The following VPS53 variants were observed in gnomAD, a reference collection of about 807,000 sequenced individuals.
VPS53 encodes the protein vacuolar protein sorting-associated protein 53 homolog.
In VPS53, 70 loss-of-function variants were observed where a neutral mutation model predicts 107.0. The ratio of observed to expected loss-of-function variants is 0.65; its 90% CI spans 0.54 to 0.80. The LOEUF (loss-of-function observed/expected upper bound fraction) is 0.80. Ranked by LOEUF, VPS53 falls within the 30% of genes least tolerant of loss-of-function variation. The probability of loss-of-function intolerance (pLI) is 0.00; values close to 1 mark genes in which losing one functional copy is unlikely to be tolerated. For synonymous variants in VPS53, 409 were observed against 393.3 expected (o/e 1.04, Z -0.47); for missense variants, 917 against 1,049.4 (o/e 0.87, Z 1.74).
intron 12 of VPS53, among the ~76,000 whole-genome samples, chr17:599,708 GC>G (rs1331061906): frequency 6.7e-6 from 1 of 149,284 alleles, no homozygotes; most frequent in Non-Finnish European, 1.5e-5. Flanking sequence ...CTATGACCCT[GC>G]CAAATCCCCC....
At chr17:622,190 G>A (rs1969496287) in intron 11 of VPS53, among the ~76,000 whole-genome samples, 1 of 151,832 alleles carries the variant, frequency 6.6e-6, no homozygotes, top group Non-Finnish European at 1.5e-5. Context: ...CCAGCCTGCT[G>A]ACAGAGCAAG....
chr17:584,574 T>C (rs1454234885), intron 13 of VPS53, among the ~76,000 whole-genome samples: 1 of 152,254 alleles, frequency 6.6e-6, no homozygotes, highest in African/African-American at 2.4e-5. Flanking sequence ...GTCACCAAGC[T>C]GGGTGGCATA....
intron 1 of VPS53, among the ~76,000 whole-genome samples, chr17:711,327 G>C (rs1249339491): frequency 6.6e-6 from 1 of 152,232 alleles, no homozygotes; most frequent in Admixed American, 6.5e-5. Context: ...CACCCAGCTT[G>C]ATAGAGTTAC....
At chr17:703,858 T>C (rs1973302928) in intron 2 of VPS53, among the ~76,000 whole-genome samples, 1 of 151,184 alleles carries the variant, frequency 6.6e-6, no homozygotes, top group Non-Finnish European at 1.5e-5. Flanking sequence ...TGCAGTGCAG[T>C]GGCACGATCT....
At chr17:535,919 T>C (rs554253387) in intron 18 of VPS53, among the ~76,000 whole-genome samples, 53 of 152,126 alleles carry the variant, frequency 3.5e-4, no homozygotes, top group Non-Finnish European at 5.3e-4. Flanking sequence ...AGACAGAAAC[T>C]TGGAGTCCTG....
At chr17:654,525 T>G (rs938019660) in intron 6 of VPS53, among the ~76,000 whole-genome samples, 2 of 151,846 alleles carry the variant, frequency 1.3e-5, no homozygotes, top group African/African-American at 4.8e-5. Context: ...GATCACAAGG[T>G]CAGGAGATCG....
At chr17:643,902 AG>A (rs1394065695) in intron 7 of VPS53, among the ~76,000 whole-genome samples, 1 of 152,242 alleles carries the variant, frequency 6.6e-6, no homozygotes, top group East Asian at 1.9e-4. Flanking sequence ...AGAGCTGTGC[AG>A]GCCTGTCCAT....
rs189574646 is a variant in VPS53 at position 665,602 on chromosome 17, G to C, written c.286-3707C>G. Among the ~76,000 whole-genome samples, 144 of 152,308 alleles carry C rather than the reference G, an allele frequency of 9.5e-4. 2 individuals are homozygous for C. Among genetic ancestry groups the C allele is most frequent in the African/African-American group, 3.4e-3 (141 of 41,574 alleles). ...GAAAAAGCCTGTATTGCTGTGAACAGAGTGCTAAGGGGGATTCTGCTAAGG... is the reference window on the plus strand; with the variant it reads ...GAAAAAGCCTGTATTGCTGTGAACACAGTGCTAAGGGGGATTCTGCTAAGG... On this transcript the variant is annotated intron_variant, in intron 4 of 21. Coordinates refer to ENST00000437048, the MANE Select transcript of VPS53 (RefSeq NM_001128159.3).
At chr17:532,548 TG>T in intron 19 of VPS53, 1 of 498,864 alleles carries the variant, frequency 2.0e-6, no homozygotes, top group Admixed American at 4.5e-5. Context: ...CGTGAGCCGC[TG>T]TGCCCGGCCC....
chr17:554,279 C>T (rs1239956357), intron 15 of VPS53, among the ~76,000 whole-genome samples: 1 of 152,190 alleles, frequency 6.6e-6, no homozygotes, highest in Non-Finnish European at 1.5e-5. Flanking sequence ...CAGAAACACT[C>T]AACACGCTCC....
intron 4 of VPS53, among the ~76,000 whole-genome samples, chr17:691,831 T>A (rs981262056): frequency 2.6e-5 from 4 of 152,178 alleles, no homozygotes; most frequent in African/African-American, 9.7e-5. Flanking sequence ...CTATTTTATT[T>A]TTAGTTATTG....
intron 12 of VPS53, 149 bp from the exon 13 acceptor site, chr17:586,513 C>T: frequency 1.3e-6 from 1 of 770,954 alleles, no homozygotes; most frequent in South Asian, 1.8e-5. Context: ...TCACCATTCA[C>T]CCTGGCAGGT....
chr17:623,070 T>A (rs1969540819), intron 11 of VPS53, among the ~76,000 whole-genome samples: 1 of 152,154 alleles, frequency 6.6e-6, no homozygotes, highest in Admixed American at 6.6e-5. Context: ...CAGTACTATG[T>A]TCCACCTTTC....
intron 13 of VPS53, among the ~76,000 whole-genome samples, chr17:565,769 C>A (rs529713239): frequency 6.6e-6 from 1 of 152,232 alleles, no homozygotes. Context: ...GACGTCCTGG[C>A]CAAAACGCTC....
intron 19 of VPS53, among the ~76,000 whole-genome samples, chr17:530,703 G>C (rs972683537): frequency 6.6e-6 from 1 of 152,112 alleles, no homozygotes; most frequent in African/African-American, 2.4e-5. Context: ...GCTTTCATAG[G>C]TGAACGCAGT....
chr17:565,301 G>A (rs1913384985), intron 13 of VPS53, among the ~76,000 whole-genome samples: 1 of 150,904 alleles, frequency 6.6e-6, no homozygotes, highest in Admixed American at 6.6e-5. Context: ...TACTCGGGAG[G>A]CTGAGGTAGG....
intron 5 of VPS53, among the ~76,000 whole-genome samples, chr17:660,999 G>C (rs995023985): frequency 6.6e-6 from 1 of 151,960 alleles, no homozygotes; most frequent in African/African-American, 2.4e-5. Context: ...AACACCGGGG[G>C]ACACAAATTT....
intron 19 of VPS53, chr17:523,554 C>T (rs1230602913): frequency 1.3e-5 from 2 of 152,154 alleles, no homozygotes; most frequent in African/African-American, 2.4e-5. Context: ...ATACTATGAA[C>T]TTAAGGGTTA....
chr17:593,118 G>A (rs1411250598), intron 12 of VPS53, among the ~76,000 whole-genome samples: 1 of 152,164 alleles, frequency 6.6e-6, no homozygotes, highest in East Asian at 1.9e-4. Flanking sequence ...GTAGAAAGCT[G>A]AAACTGGATC....
Sources: allele counts gnomAD v4.1 joint callset (sites outside exome capture counted in the v4.1 genomes callset), GRCh38; gene constraint gnomAD v4.1.1; transcripts MANE v1.5; gene names NCBI Gene and HGNC (gene_info 2026-07-23, HGNC 2026-07-21).